RTL4: variants seen among roughly 807,000 people sequenced by gnomAD.
RTL4 encodes retrotransposon Gag like 4.
Under a neutral mutation model 5.3 loss-of-function variants are expected in RTL4, and 4 were observed. That is an observed-to-expected ratio of 0.75 (90% confidence interval 0.37 to 1.72). The LOEUF is 1.72. Ranked by LOEUF, RTL4 falls within the 40% of genes most tolerant of loss-of-function variation. The pLI is 0.04. For synonymous variants in RTL4, 98 were observed against 87.3 expected, an observed-to-expected ratio of 1.12 and a Z score of -0.68; for missense variants, 260 against 227.1, an observed-to-expected ratio of 1.14 and a Z score of -0.93.
chrX:112,374,069 T>C, the RTL4 span, among the ~76,000 whole-genome samples: 10 of 110,937 alleles, frequency 9.0e-5, no homozygotes, highest in African/African-American at 3.3e-4. Flanking sequence ...TGTTTTTGAG[T>C]TTTTTGAGTG....
At chrX:112,410,526 C>G in the RTL4 span, among the ~76,000 whole-genome samples, 1 of 111,769 alleles carries the variant, frequency 8.9e-6, no homozygotes, top group Middle Eastern at 4.7e-3. Flanking sequence ...AAAATTATAT[C>G]AAGTATCTTC....
chrX:112,323,738 T>C, the RTL4 span, among the ~76,000 whole-genome samples: 38,262 of 110,428 alleles, frequency 0.35, 6,636 homozygotes, highest in African/African-American at 0.67. Context: ...GATCTATCTG[T>C]CTCAGCATCC....
chrX:112,211,186 T>A, the RTL4 span, among the ~76,000 whole-genome samples: 1 of 111,898 alleles, frequency 8.9e-6, no homozygotes, highest in Admixed American at 9.5e-5. Flanking sequence ...GGCTTGGAAA[T>A]GCAGGGAGGG....
At chrX:112,365,372 A>C in the RTL4 span, among the ~76,000 whole-genome samples, 1 of 110,868 alleles carries the variant, frequency 9.0e-6, no homozygotes, top group South Asian at 3.8e-4. Flanking sequence ...ACTTATACTT[A>C]ATCTTAAAGG....
the RTL4 span, among the ~76,000 whole-genome samples, chrX:112,155,529 A>G: frequency 9.0e-6 from 1 of 111,200 alleles, no homozygotes; most frequent in East Asian, 2.9e-4. Context: ...GGGAGGTGCT[A>G]AACTCATTCT....
chrX:112,271,915 T>C, the RTL4 span, among the ~76,000 whole-genome samples: 7 of 112,101 alleles, frequency 6.2e-5, no homozygotes, highest in Non-Finnish European at 1.9e-5. Flanking sequence ...CTTTTAGTTA[T>C]GTTAAAATGT....
the RTL4 span, among the ~76,000 whole-genome samples, chrX:112,193,430 C>T: frequency 1.8e-5 from 2 of 111,141 alleles, no homozygotes; most frequent in Non-Finnish European, 3.8e-5. Context: ...CCTATTTATC[C>T]TCCCCCTGAC....
the RTL4 span, among the ~76,000 whole-genome samples, chrX:112,277,972 A>G: frequency 8.9e-6 from 1 of 112,150 alleles, no homozygotes; most frequent in Admixed American, 9.4e-5. Flanking sequence ...TATATAGAGC[A>G]CTGTTTAACA....
chrX:112,367,136 T>G, the RTL4 span, among the ~76,000 whole-genome samples: 1 of 111,769 alleles, frequency 8.9e-6, no homozygotes, highest in Non-Finnish European at 1.9e-5. Flanking sequence ...TATGCCAATA[T>G]AGTTTAATTC....
chrX:112,363,328 GGGGAAA>G, the RTL4 span, among the ~76,000 whole-genome samples: 10 of 111,219 alleles, frequency 9.0e-5, no homozygotes, highest in African/African-American at 3.3e-4. Flanking sequence ...AGGGTCTCCA[GGGGAAA>G]GTGCTATCTG....
chrX:112,149,741 G>A, the RTL4 span, among the ~76,000 whole-genome samples: 1 of 112,307 alleles, frequency 8.9e-6, no homozygotes, highest in Admixed American at 9.4e-5. Context: ...CAATGAATAA[G>A]GCAGATGGTG....
the RTL4 span, among the ~76,000 whole-genome samples, chrX:112,364,239 T>A: frequency 1.8e-5 from 2 of 111,573 alleles, no homozygotes; most frequent in African/African-American, 6.5e-5. Flanking sequence ...GTAATTACAG[T>A]GAGACCATAG....
the RTL4 span, among the ~76,000 whole-genome samples, chrX:112,274,055 C>G: frequency 3.6e-5 from 4 of 111,897 alleles, no homozygotes; most frequent in Non-Finnish European, 7.5e-5. Flanking sequence ...CAAATTGAGG[C>G]TCAGATAAAT....
the RTL4 span, among the ~76,000 whole-genome samples, chrX:112,281,308 A>G: frequency 2.7e-5 from 3 of 111,850 alleles, no homozygotes; most frequent in Non-Finnish European, 5.6e-5. Context: ...TGTTTTCGCA[A>G]ATGACAGGAT....
the RTL4 span, among the ~76,000 whole-genome samples, chrX:112,324,724 T>A: frequency 4.5e-5 from 5 of 111,611 alleles, no homozygotes. Flanking sequence ...ATATACTTCA[T>A]ACAATTTTAA....
At chrX:112,176,572 A>T in the RTL4 span, among the ~76,000 whole-genome samples, 1 of 111,374 alleles carries the variant, frequency 9.0e-6, no homozygotes, top group East Asian at 2.8e-4. Flanking sequence ...AATTGATATA[A>T]CATATTTTTG....
the RTL4 span, among the ~76,000 whole-genome samples, chrX:112,301,216 G>C: frequency 8.9e-6 from 1 of 111,772 alleles, no homozygotes; most frequent in African/African-American, 3.3e-5. Context: ...TGACTGAGAG[G>C]ATGTGCCCTG....
chrX:112,148,876 C>T, the RTL4 span, among the ~76,000 whole-genome samples: 1 of 111,561 alleles, frequency 9.0e-6, no homozygotes, highest in East Asian at 2.8e-4. Flanking sequence ...TTACCTGTGC[C>T]AGAAGCAGTC....
At chrX:112,287,748 G>A in the RTL4 span, among the ~76,000 whole-genome samples, 5 of 111,469 alleles carry the variant, frequency 4.5e-5, no homozygotes, top group African/African-American at 1.6e-4. Context: ...ATGAAAAACC[G>A]ATATCAAGGT....
Sources: allele counts gnomAD v4.1 joint callset (sites outside exome capture counted in the v4.1 genomes callset), GRCh38; gene constraint gnomAD v4.1.1; transcripts MANE v1.5; gene names NCBI Gene and HGNC (gene_info 2026-07-23, HGNC 2026-07-21).